ERI1: variants seen among roughly 807,000 people sequenced by gnomAD.
The protein encoded by ERI1 is exoribonuclease 1, also known as 3'-5' exoribonuclease 1.
A neutral mutation model predicts 39.7 loss-of-function variants in ERI1; 39 were observed. The ratio of observed to expected loss-of-function variants is 0.98; its 90% CI spans 0.76 to 1.28. ERI1 has a LOEUF of 1.28. Among genes scored for constraint, ERI1 ranks in the 50% most tolerant of loss-of-function variants. The probability of loss-of-function intolerance (pLI) is 0.00; values close to 1 mark genes in which losing one functional copy is unlikely to be tolerated. For missense variants in ERI1, 581 were observed against 416.9 expected (o/e 1.39, Z -3.43); for synonymous variants, 204 against 149.6 (o/e 1.36, Z -2.65).
chr8:9,098,888 C>T (rs1339290439), intron 3 of ERI1, among the ~76,000 whole-genome samples: 2 of 152,108 alleles, frequency 1.3e-5, no homozygotes, highest in African/African-American at 2.4e-5. Context: ...GACTGGAGTG[C>T]AGTGGTGCAA....
At chr8:9,003,937 A>G (rs1396696551) in intron 1 of ERI1, 5 of 486,562 alleles carry the variant, frequency 1.0e-5, no homozygotes, top group Non-Finnish European at 1.9e-5. Context: ...TCCATCTGGC[A>G]GCTAGAATGA....
chr8:9,040,551 A>G (rs1180044470), intron 3 of ERI1, among the ~76,000 whole-genome samples: 1 of 152,116 alleles, frequency 6.6e-6, no homozygotes, highest in Non-Finnish European at 1.5e-5. Flanking sequence ...AATTACCTTA[A>G]ATTCCAAATT....
rs73524268 is a variant in ERI1 at position 9,046,805 on chromosome 8, C to G, written n.299+26341C>G. Among the ~76,000 whole-genome samples, 1,323 of 152,276 alleles carry G rather than the reference C, an allele frequency of 8.7e-3. 27 individuals are homozygous for G. The highest frequency in any genetic ancestry group is 0.03 in the African/African-American group (1,242 of 41,552). On this transcript the variant is annotated intron_variant and non_coding_transcript_variant, in intron 3 of 3. Transcript: ENST00000518663. ...GAAATGGAAGAAAGCAGTGGAAGTT[C>G]CACTCTCACAAGCAGGGCCCACATC... is the stretch of plus-strand genomic sequence containing the variant.
At chr8:9,018,816 C>T (rs1318347274) in intron 5 of ERI1, among the ~76,000 whole-genome samples, 1 of 152,034 alleles carries the variant, frequency 6.6e-6, no homozygotes, top group Admixed American at 6.5e-5. Context: ...TTTACCCTTT[C>T]TCTGTGTAGT....
At chr8:9,056,473 T>C (rs1172460745) in intron 3 of ERI1, among the ~76,000 whole-genome samples, 1 of 152,242 alleles carries the variant, frequency 6.6e-6, no homozygotes, top group Non-Finnish European at 1.5e-5. Context: ...GTCATGCAGG[T>C]TGTTTTCAAG....
At chr8:9,019,889 C>T (rs952773008) in intron 5 of ERI1, among the ~76,000 whole-genome samples, 1 of 152,126 alleles carries the variant, frequency 6.6e-6, no homozygotes, top group Admixed American at 6.6e-5. Flanking sequence ...TCAGTATTGT[C>T]CTTAACTACA....
intron 3 of ERI1, among the ~76,000 whole-genome samples, chr8:9,043,951 G>A (rs1798100571): frequency 6.6e-6 from 1 of 152,200 alleles, no homozygotes; most frequent in Non-Finnish European, 1.5e-5. Flanking sequence ...TTCAAAAGAG[G>A]CCTACGGTGT....
intron 3 of ERI1, among the ~76,000 whole-genome samples, chr8:9,088,058 G>T (rs1488033893): frequency 6.6e-6 from 1 of 152,082 alleles, no homozygotes; most frequent in African/African-American, 2.4e-5. Context: ...TGCGGTATGT[G>T]GTTTCATGAG....
At chr8:9,022,478 G>A (rs932513332) in intron 6 of ERI1, among the ~76,000 whole-genome samples, 2 of 152,116 alleles carry the variant, frequency 1.3e-5, no homozygotes, top group Non-Finnish European at 2.9e-5. Context: ...TTGGCTCACT[G>A]CAACCCTGTC....
At chr8:9,004,485 CTTTTTTTTTTT>C (rs71201904) in intron 1 of ERI1, among the ~76,000 whole-genome samples, 3 of 78,328 alleles carry the variant, frequency 3.8e-5, no homozygotes, top group African/African-American at 5.0e-5. Flanking sequence ...TATAGTGATA[CTTTTTTTTTTT>C]TTTTTTTTTT....
intron 1 of ERI1, chr8:9,004,209 A>C (rs1815706002): frequency 3.1e-6 from 4 of 1,282,978 alleles, no homozygotes; most frequent in Non-Finnish European, 3.0e-6. Context: ...GTTATTTCAA[A>C]GAGTACTTGC....
At chr8:9,085,546 C>T (rs1799497266) in intron 3 of ERI1, among the ~76,000 whole-genome samples, 1 of 151,620 alleles carries the variant, frequency 6.6e-6, no homozygotes, top group Non-Finnish European at 1.5e-5. Context: ...TACTGGAACA[C>T]AGCCACACTC....
chr8:9,076,113 CTGT>C, intron 3 of ERI1, among the ~76,000 whole-genome samples: 1 of 152,228 alleles, frequency 6.6e-6, no homozygotes, highest in East Asian at 1.9e-4. Flanking sequence ...ATTTTTGCTG[CTGT>C]TGTTGTTTTG....
intron 3 of ERI1, among the ~76,000 whole-genome samples, chr8:9,064,162 GGC>G (rs1798792650): frequency 6.6e-6 from 1 of 150,764 alleles, no homozygotes; most frequent in Non-Finnish European, 1.5e-5. Context: ...AAGAGATCGG[GGC>G]ATGGAAATAA....
intron 3 of ERI1, among the ~76,000 whole-genome samples, chr8:9,069,644 G>A (rs1310715158): frequency 6.6e-6 from 1 of 152,132 alleles, no homozygotes; most frequent in South Asian, 2.1e-4. Flanking sequence ...TGCCACCTAA[G>A]TGACAAGATC....
At chr8:9,039,723 A>T (rs1006889852) in intron 3 of ERI1, among the ~76,000 whole-genome samples, 1 of 152,170 alleles carries the variant, frequency 6.6e-6, no homozygotes, top group Admixed American at 6.5e-5. Context: ...TTTTACTAGG[A>T]TTACGCTTTT....
At chr8:9,073,824 C>G (rs926352484) in intron 3 of ERI1, among the ~76,000 whole-genome samples, 1 of 152,124 alleles carries the variant, frequency 6.6e-6, no homozygotes, top group African/African-American at 2.4e-5. Context: ...ATCCAGTACA[C>G]CTTCTGTTTA....
At chr8:9,033,631 T>C (rs964786686), downstream of ERI1, among the ~76,000 whole-genome samples, 2 of 152,252 alleles carry the variant, frequency 1.3e-5, no homozygotes, top group Non-Finnish European at 2.9e-5. Context: ...CTCCATTGTT[T>C]AGTAAGAATC....
chr8:9,055,533 T>A (rs772204506), intron 3 of ERI1, among the ~76,000 whole-genome samples: 1 of 152,182 alleles, frequency 6.6e-6, no homozygotes, highest in Non-Finnish European at 1.5e-5. Flanking sequence ...GGCCGGCTGA[T>A]ACATTGACAG....
Sources: gnomAD v4.1 joint callset for allele counts (sites outside exome capture counted in the v4.1 genomes callset) on GRCh38, gnomAD v4.1.1 for gene constraint, MANE v1.5 for transcripts, NCBI Gene and HGNC (gene_info 2026-07-23, HGNC 2026-07-21) for gene names.